The following CSMD1 variants were observed in gnomAD, a reference collection of about 807,000 sequenced individuals.
CSMD1 encodes CUB and Sushi multiple domains 1.
A neutral mutation model predicts 417.5 loss-of-function variants in CSMD1; 213 were observed. The observed-to-expected ratio is 0.51, with a 90% confidence interval of 0.46 to 0.57. CSMD1 has a LOEUF of 0.57. Among genes scored for constraint, CSMD1 ranks in the 20% least tolerant of loss-of-function variants. The probability of loss-of-function intolerance (pLI) is 0.00; values close to 1 mark genes in which losing one functional copy is unlikely to be tolerated. For synonymous variants in CSMD1, 2,862 were observed against 1,736.8 expected, an observed-to-expected ratio of 1.65 and a Z score of -16.11; for missense variants, 6,923 against 4,529.7, an observed-to-expected ratio of 1.53 and a Z score of -15.17.
In CSMD1 at chr8:3,406,548, C is replaced by G. The variant is rs934024542; in HGVS notation, c.2072-327G>C. Among the ~76,000 whole-genome samples the G allele has an allele frequency of 8.5e-5, 13 of 152,176 alleles. No homozygotes were observed. The East Asian group carries it at 2.3e-3, about 27-fold the overall frequency. On this transcript the variant is annotated intron_variant, in intron 14 of 69. Coordinates refer to ENST00000635120, the MANE Select transcript of CSMD1 (RefSeq NM_033225.6). ...AAGTGTCTGGGCTCAAGATTTCTCT[C>G]GTTAGAATCCTGACTTTTTTTCTTA...
chr8:3,257,259 G>C (rs1260577494), intron 26 of CSMD1, among the ~76,000 whole-genome samples: 2 of 152,324 alleles, frequency 1.3e-5, no homozygotes, highest in African/African-American at 2.4e-5. Flanking sequence ...GGGAGGCAGA[G>C]TTCGCAGCAA....
intron 21 of CSMD1, among the ~76,000 whole-genome samples, chr8:3,354,610 G>A (rs1428033600): frequency 1.1e-4 from 16 of 151,730 alleles, no homozygotes; most frequent in African/African-American, 2.7e-4. Context: ...TCACAAAATG[G>A]TACTATTTTT....
intron 2 of CSMD1, among the ~76,000 whole-genome samples, chr8:4,631,810 T>C (rs979647186): frequency 6.6e-6 from 1 of 152,226 alleles, no homozygotes; most frequent in African/African-American, 2.4e-5. Flanking sequence ...GGTAATCTTG[T>C]TAAAGTTAGA....
intron 1 of CSMD1, among the ~76,000 whole-genome samples, chr8:4,653,180 A>T (rs1338451814): frequency 2.7e-4 from 41 of 152,052 alleles, no homozygotes; most frequent in Admixed American, 2.4e-3. Flanking sequence ...GAGTGATCTG[A>T]CTGGTCACAG....
At chr8:3,697,566 C>T (rs146466829) in intron 7 of CSMD1, among the ~76,000 whole-genome samples, 1 of 152,156 alleles carries the variant, frequency 6.6e-6, no homozygotes, top group East Asian at 1.9e-4. Context: ...AAGACTTGCT[C>T]ATGTAAGATG....
intron 3 of CSMD1, among the ~76,000 whole-genome samples, chr8:4,192,828 G>A (rs1016716137): frequency 3.9e-5 from 6 of 152,092 alleles, no homozygotes; most frequent in Admixed American, 1.3e-4. Flanking sequence ...TGTGGTAAAC[G>A]CTATTAAGCC....
At position 4,032,121 on chromosome 8, in the gene CSMD1, G is replaced by C. The variant is rs377228579; in HGVS notation, c.416-22C>G. ...AAAACTATTGGAAAAAGAAAAGAAA[G>C]GAGAAAAAACAAGTTAAATTTTCCA... On this transcript the variant is annotated intron_variant, in intron 3 of 69. Transcript: ENST00000635120. 6.8e-5 allele frequency: 106 copies of C among 1,558,328 alleles called. 1 individual carries two copies. Among genetic ancestry groups the C allele is most frequent in the Non-Finnish European group, 8.6e-5 (98 of 1,144,880 alleles).
chr8:3,522,614 A>C (rs1797553928), intron 10 of CSMD1, among the ~76,000 whole-genome samples: 2 of 152,044 alleles, frequency 1.3e-5, no homozygotes, highest in Admixed American at 1.3e-4. Flanking sequence ...ACACTCCAAG[A>C]AGGGTAGATG....
At chr8:3,660,417 T>C (rs1011807168) in intron 7 of CSMD1, among the ~76,000 whole-genome samples, 1 of 151,572 alleles carries the variant, frequency 6.6e-6, no homozygotes, top group African/African-American at 2.4e-5. Context: ...TTATTGTTGT[T>C]TGATCATCCA....
intron 5 of CSMD1, among the ~76,000 whole-genome samples, chr8:3,941,573 T>A (rs573047117): frequency 4.6e-5 from 7 of 152,310 alleles, no homozygotes; most frequent in Admixed American, 4.6e-4. Flanking sequence ...GATATTTTAC[T>A]ACCTACACAT....
chr8:4,864,874 C>CCACACA (rs1563622847), intron 1 of CSMD1, among the ~76,000 whole-genome samples: 85 of 31,922 alleles, frequency 2.7e-3, no homozygotes, highest in African/African-American at 5.0e-3. Context: ...TTGGATTCTA[C>CCACACA]TACACACACA....
chr8:3,802,777 T>G (rs1175912273), intron 5 of CSMD1, among the ~76,000 whole-genome samples: 1 of 152,176 alleles, frequency 6.6e-6, no homozygotes, highest in Non-Finnish European at 1.5e-5. Context: ...ATTTAAAGCT[T>G]AGCTCCCTTT....
chr8:4,088,791 C>A (rs1362474959), intron 3 of CSMD1, among the ~76,000 whole-genome samples: 1 of 152,136 alleles, frequency 6.6e-6, no homozygotes, highest in African/African-American at 2.4e-5. Flanking sequence ...CCTCCCAGAC[C>A]AAACACATTG....
intron 3 of CSMD1, among the ~76,000 whole-genome samples, chr8:4,104,416 A>G (rs1337900371): frequency 1.3e-5 from 2 of 149,182 alleles, no homozygotes; most frequent in African/African-American, 5.1e-5. Flanking sequence ...ATGCACACGC[A>G]CACACACATG....
intron 3 of CSMD1, among the ~76,000 whole-genome samples, chr8:4,365,216 A>G (rs1302601437): frequency 6.6e-6 from 1 of 152,208 alleles, no homozygotes; most frequent in Non-Finnish European, 1.5e-5. Flanking sequence ...ATATATAAAA[A>G]AAGAGTTTTG....
At position 3,918,707 on chromosome 8, in the gene CSMD1, T is replaced by C. The variant is rs138634799; in HGVS notation, c.818+79196A>G. On this transcript the variant is annotated intron_variant, in intron 5 of 69. Coordinates refer to ENST00000635120, the MANE Select transcript of CSMD1 (RefSeq NM_033225.6). ...AATACTACTGAGCCATAAAAAGGAA[T>C]GAATTAATGGCATTTGCAGCAACCT... Among the ~76,000 whole-genome samples, 32 of 152,242 alleles carry C rather than the reference T, an allele frequency of 2.1e-4. No homozygotes were observed. The East Asian group carries it at 5.6e-3, about 27-fold the overall frequency.
chr8:3,336,526 G>A (rs755933757), intron 23 of CSMD1, among the ~76,000 whole-genome samples: 17 of 152,178 alleles, frequency 1.1e-4, no homozygotes, highest in South Asian at 2.1e-4. Flanking sequence ...AATCAACACT[G>A]GGAAAAAGTG....
chr8:3,076,174 T>G (rs1403417415), intron 49 of CSMD1, among the ~76,000 whole-genome samples: 1 of 152,188 alleles, frequency 6.6e-6, no homozygotes, highest in Non-Finnish European at 1.5e-5. Flanking sequence ...TTTCTCACAG[T>G]CCTGGAGGCC....
In CSMD1 at chr8:3,650,568, T is replaced by C. The variant is rs189451819; in HGVS notation, c.1010-33771A>G. ...GAATCTGTTATGTTATTACAGATTGTATACTGCTAGTTATTCTGAGTACAT... is the reference window on the plus strand; with the variant it reads ...GAATCTGTTATGTTATTACAGATTGCATACTGCTAGTTATTCTGAGTACAT... On this transcript the variant is annotated intron_variant, in intron 7 of 69. Transcript: ENST00000635120. Among the ~76,000 whole-genome samples the C allele has an allele frequency of 2.0e-5, 3 of 152,320 alleles. No homozygotes were observed. In the East Asian group the frequency reaches 5.8e-4, roughly 29 times the overall value.
Sources: gnomAD v4.1 joint callset for allele counts (sites outside exome capture counted in the v4.1 genomes callset) on GRCh38, gnomAD v4.1.1 for gene constraint, MANE v1.5 for transcripts, NCBI Gene and HGNC (gene_info 2026-07-23, HGNC 2026-07-21) for gene names.